The following ANKRD42 variants were observed in gnomAD, a reference collection of about 807,000 sequenced individuals.
ANKRD42 encodes ankyrin repeat domain-containing protein 42.
Under a neutral mutation model 51.5 loss-of-function variants are expected in ANKRD42, and 43 were observed. That is an observed-to-expected ratio of 0.83 (90% CI 0.65 to 1.08). ANKRD42 has a LOEUF of 1.08. Among genes scored for constraint, ANKRD42 ranks in the 50% least tolerant of loss-of-function variants. The pLI, the probability that ANKRD42 is intolerant of heterozygous loss-of-function variation, is 0.00. For missense variants in ANKRD42, 608 were observed against 629.3 expected (o/e 0.97, Z 0.36); for synonymous variants, 203 against 213.0 (o/e 0.95, Z 0.41).
intron 2 of ANKRD42, among the ~76,000 whole-genome samples, chr11:83,203,637 C>G (rs1861956157): frequency 6.6e-6 from 1 of 152,262 alleles, no homozygotes; most frequent in South Asian, 2.1e-4. Context: ...TGTGATCCAC[C>G]TGCCTTGGTC....
chr11:83,221,567 CTTTCTT>C (rs1459264574), intron 5 of ANKRD42, among the ~76,000 whole-genome samples: 1 of 152,136 alleles, frequency 6.6e-6, no homozygotes, highest in Non-Finnish European at 1.5e-5. Flanking sequence ...TGTTGATTTT[CTTTCTT>C]TTTCCAGGTA....
At chr11:83,216,243 T>A (rs1263388224) in intron 5 of ANKRD42, among the ~76,000 whole-genome samples, 2 of 152,256 alleles carry the variant, frequency 1.3e-5, no homozygotes, top group African/African-American at 2.4e-5. Context: ...TGTTTTTAAT[T>A]TCACCAGTGA....
At chr11:83,220,292 AGTCT>A (rs1862678838) in intron 5 of ANKRD42, among the ~76,000 whole-genome samples, 1 of 152,170 alleles carries the variant, frequency 6.6e-6, no homozygotes, top group Non-Finnish European at 1.5e-5. Context: ...CTGTGTCTTT[AGTCT>A]GGCGGCTGTG....
At chr11:83,220,182 C>T (rs918553587) in intron 5 of ANKRD42, among the ~76,000 whole-genome samples, 20 of 152,152 alleles carry the variant, frequency 1.3e-4, no homozygotes, top group Admixed American at 9.8e-4. Context: ...GGGACCACCA[C>T]GGAAAGTGAA....
At chr11:83,250,278 A>G (rs766302252), downstream of ANKRD42, among the ~76,000 whole-genome samples, 1 of 152,194 alleles carries the variant, frequency 6.6e-6, no homozygotes, top group African/African-American at 2.4e-5. Flanking sequence ...ACTGAGAAAA[A>G]AAATTATTCG....
intron 2 of ANKRD42, 44 bp from the exon 3 acceptor site, chr11:83,206,014 A>G (rs1862055729): frequency 6.6e-7 from 1 of 1,515,990 alleles, no homozygotes; most frequent in Non-Finnish European, 9.1e-7. Flanking sequence ...TAAAAATGTT[A>G]AAAACATCCA....
In ANKRD42 at chr11:83,245,183, G is replaced by A. The variant is rs530291807; in HGVS notation, c.1196-315G>A. The stretch of plus-strand genomic sequence containing the variant: ...CCTCCCAAAGTGCTGGGATTAAGGC[G>A]TGAACCGCCATGCCTGGTCAATACT... On this transcript the variant is annotated intron_variant, in intron 9 of 10. Coordinates refer to ENST00000533342, the MANE Select transcript of ANKRD42 (RefSeq NM_001300975.2). 1.3e-4 allele frequency among the ~76,000 whole-genome samples: 20 copies of A among 152,302 alleles called. No individual in the cohort carries two copies. The South Asian group carries it at 3.7e-3, about 28-fold the overall frequency.
chr11:83,224,907 T>A lies in ANKRD42; in HGVS notation c.639T>A (p.Ser213Arg), dbSNP rs1440170918. ...TTCACTGTTTCAAATTCCTAGTCAGTAGAATGAGCAGTGCGACGCAAGTTT... is the reference window on the plus strand; with the variant it reads ...TTCACTGTTTCAAATTCCTAGTCAGAAGAATGAGCAGTGCGACGCAAGTTT... Reference protein sequence around the residue: ...GHLHCFKFLVSRMSSATQVLK... With the variant: ...GHLHCFKFLVRRMSSATQVLK... Residue 213 changes from serine to arginine, a missense_variant, in exon 6 of 11, where the codon AGT becomes AGA. Physicochemically the swap from Ser to Arg is moderately radical, Grantham distance 110. Transcript: ENST00000533342. 6.2e-7 allele frequency: 1 copy of A among 1,610,224 alleles called. No homozygotes were observed. The highest frequency in any genetic ancestry group is 1.3e-5 in the African/African-American group (1 of 74,856).
Position 83,242,567 on chromosome 11 carries a change from G to GTTTTTTTTTTGTTTGTTTTTTTTTTTTT in ANKRD42, c.1195+1643_1195+1644insGTTTGTTTTTTTTTTTTTTTTTTTTTTT, listed in dbSNP as rs770772334. ...GGGGAATTCGGTGAATGGTAGTTAA[G>GTTTTTTTTTTGTTTGTTTTTTTTTTTTT]TTTTTTTTTTTTTTTTTTAGATGGA... is the stretch of plus-strand genomic sequence containing the variant. On this transcript the variant is annotated intron_variant, in intron 9 of 10. Coordinates refer to ENST00000533342, the MANE Select transcript of ANKRD42 (RefSeq NM_001300975.2). 1.5e-3 allele frequency among the ~76,000 whole-genome samples: 176 copies of GTTTTTTTTTTGTTTGTTTTTTTTTTTTT among 115,510 alleles called. 9 individuals are homozygous for GTTTTTTTTTTGTTTGTTTTTTTTTTTTT. Among genetic ancestry groups the GTTTTTTTTTTGTTTGTTTTTTTTTTTTT allele is most frequent in the African/African-American group, 3.3e-3 (96 of 28,922 alleles). The allele number at this position is 115,510 out of a possible 152,430, so 75.8% of individuals were successfully genotyped here. A position where few individuals can be genotyped will look rare whatever the true frequency, so the allele number is the denominator to read the frequency against.
intron 11 of ANKRD42, among the ~76,000 whole-genome samples, chr11:83,254,036 A>G (rs1052778561): frequency 2.6e-5 from 4 of 152,292 alleles, no homozygotes; most frequent in Non-Finnish European, 5.9e-5. Context: ...ATTCAGGGTC[A>G]TGATCTTGGC....
At chr11:83,258,815 A>C (rs1863819419), downstream of ANKRD42, among the ~76,000 whole-genome samples, 1 of 152,018 alleles carries the variant, frequency 6.6e-6, no homozygotes. Context: ...TAAGCTTTTA[A>C]TTGTTTTTCC....
chr11:83,198,117 A>C (rs113147431), intron 1 of ANKRD42, among the ~76,000 whole-genome samples: 1 of 152,230 alleles, frequency 6.6e-6, no homozygotes, highest in Non-Finnish European at 1.5e-5. Context: ...CAAGTCATCA[A>C]CATTACCATG....
chr11:83,242,402 T>A (rs1308224783), intron 9 of ANKRD42, among the ~76,000 whole-genome samples: 1 of 149,316 alleles, frequency 6.7e-6, no homozygotes, highest in East Asian at 2.0e-4. Context: ...TGGCTTGGAC[T>A]GGAGTGGAGA....
rs754938753 is a variant in ANKRD42 at position 83,212,726 on chromosome 11, C to T, written c.586+1296C>T. The stretch of plus-strand genomic sequence containing the variant: ...TGGACTTACATAATTTGGCACCTAC[C>T]TACCTGCATGGCCTCATCTTTCTAT... On this transcript the variant is annotated intron_variant, in intron 5 of 10. Coordinates refer to ENST00000533342, the MANE Select transcript of ANKRD42 (RefSeq NM_001300975.2). The T allele has an allele frequency of 6.8e-5, 105 of 1,536,050 alleles. 1 individual carries two copies. In the Middle Eastern group the frequency reaches 3.0e-3, roughly 44 times the overall value.
At chr11:83,240,444 T>G (rs1863352481) in intron 8 of ANKRD42, among the ~76,000 whole-genome samples, 1 of 152,202 alleles carries the variant, frequency 6.6e-6, no homozygotes, top group African/African-American at 2.4e-5. Context: ...GGCCTTCTAT[T>G]CAGTTGAGCA....
downstream of ANKRD42, chr11:83,261,001 A>G (rs540512219): frequency 7.2e-5 from 11 of 152,352 alleles, 1 homozygote; most frequent in South Asian, 2.1e-3. Context: ...TTGAGTATCA[A>G]ATATTTAAAA....
chr11:83,239,281 TGA>T (rs1863317215), intron 8 of ANKRD42, among the ~76,000 whole-genome samples: 1 of 152,214 alleles, frequency 6.6e-6, no homozygotes. Flanking sequence ...TTCTTGATGT[TGA>T]GTTTTAAAGG....
At chr11:83,209,037 T>C (rs1862198539) in intron 3 of ANKRD42, among the ~76,000 whole-genome samples, 1 of 152,278 alleles carries the variant, frequency 6.6e-6, no homozygotes, top group Non-Finnish European at 1.5e-5. Context: ...TGGAACCTCT[T>C]TAGATGTAGT....
chr11:83,236,797 G>A (rs995103633), intron 8 of ANKRD42, among the ~76,000 whole-genome samples: 1 of 152,162 alleles, frequency 6.6e-6, no homozygotes, highest in Admixed American at 6.5e-5. Flanking sequence ...ACCAACTGGA[G>A]GTCCGGTCTG....
Sources: allele counts gnomAD v4.1 joint callset (sites outside exome capture counted in the v4.1 genomes callset), GRCh38; gene constraint gnomAD v4.1.1; transcripts MANE v1.5; gene names NCBI Gene and HGNC (gene_info 2026-07-23, HGNC 2026-07-21).